Variants in ABTB3 observed in about 807,000 individuals in gnomAD.
ABTB3 encodes the protein ankyrin repeat- and BTB/POZ domain-containing protein 3.
the ABTB3 span, among the ~76,000 whole-genome samples, chr12:107,375,095 G>A: frequency 6.6e-6 from 1 of 152,122 alleles, no homozygotes; most frequent in East Asian, 1.9e-4. Context: ...GAAACACTAA[G>A]GTGTTAAGTG....
the ABTB3 span, among the ~76,000 whole-genome samples, chr12:107,648,123 G>A: frequency 6.6e-6 from 1 of 152,178 alleles, no homozygotes; most frequent in Non-Finnish European, 1.5e-5. Flanking sequence ...GCTCATGCCT[G>A]TAATCCTGGC....
chr12:107,575,329 A>T, the ABTB3 span, among the ~76,000 whole-genome samples: 9 of 152,186 alleles, frequency 5.9e-5, no homozygotes, highest in Admixed American at 3.9e-4. Context: ...GATGCTAAAA[A>T]CAATGTTGGT....
At chr12:107,339,197 G>T in the ABTB3 span, among the ~76,000 whole-genome samples, 1 of 152,172 alleles carries the variant, frequency 6.6e-6, no homozygotes, top group Admixed American at 6.5e-5. Flanking sequence ...CTTTCCCATA[G>T]TGGGCCTTTC....
the ABTB3 span, among the ~76,000 whole-genome samples, chr12:107,431,245 C>T: frequency 6.6e-6 from 1 of 152,340 alleles, no homozygotes; most frequent in Admixed American, 6.5e-5. Flanking sequence ...AACACTAATT[C>T]CATTCCATGA....
chr12:107,632,591 CAAAT>C, the ABTB3 span, among the ~76,000 whole-genome samples: 1 of 152,148 alleles, frequency 6.6e-6, no homozygotes, highest in African/African-American at 2.4e-5. Context: ...GCTGCAGTAA[CAAAT>C]GACCATAATT....
the ABTB3 span, among the ~76,000 whole-genome samples, chr12:107,511,942 T>A: frequency 3.3e-5 from 5 of 152,174 alleles, no homozygotes; most frequent in African/African-American, 9.7e-5. Context: ...AAAGCTTTTT[T>A]AAACTCTGGT....
the ABTB3 span, among the ~76,000 whole-genome samples, chr12:107,639,410 G>A: frequency 6.6e-6 from 1 of 152,176 alleles, no homozygotes; most frequent in African/African-American, 2.4e-5. Flanking sequence ...TGGGTCATCA[G>A]ATTGAGGGGC....
At chr12:107,340,778 C>T in the ABTB3 span, among the ~76,000 whole-genome samples, 17 of 152,258 alleles carry the variant, frequency 1.1e-4, no homozygotes, top group Non-Finnish European at 2.2e-4. Flanking sequence ...CAGAGATCTC[C>T]CAGGATGGAG....
the ABTB3 span, among the ~76,000 whole-genome samples, chr12:107,534,245 C>G: frequency 6.7e-6 from 1 of 149,956 alleles, no homozygotes; most frequent in Non-Finnish European, 1.5e-5. Context: ...AATTCCTTGA[C>G]ACAAATAAAA....
chr12:107,417,999 A>C, the ABTB3 span, among the ~76,000 whole-genome samples: 1 of 152,218 alleles, frequency 6.6e-6, no homozygotes. Context: ...GGGACAGAGG[A>C]AACTAGCAGC....
At chr12:107,319,301 C>A in the ABTB3 span, 1 of 1,543,754 alleles carries the variant, frequency 6.5e-7, no homozygotes, top group Non-Finnish European at 8.7e-7. Context: ...CCCGGCGGTC[C>A]CCGGCGGCCT....
chr12:107,373,953 G>A, the ABTB3 span, among the ~76,000 whole-genome samples: 41,178 of 152,166 alleles, frequency 0.27, 6,184 homozygotes, highest in South Asian at 0.37. Flanking sequence ...CTCGGGACAC[G>A]TTGGAGGCGG....
chr12:107,617,696 G>A, the ABTB3 span: 48 of 479,534 alleles, frequency 1.0e-4, no homozygotes, highest in Non-Finnish European at 1.4e-4. Flanking sequence ...ACTCTTGGTC[G>A]GTTTTGCTCA....
chr12:107,427,449 T>G, the ABTB3 span, among the ~76,000 whole-genome samples: 1 of 152,086 alleles, frequency 6.6e-6, no homozygotes, highest in Non-Finnish European at 1.5e-5. Context: ...CCTGGCTAAT[T>G]TTTTATTTTT....
At chr12:107,426,041 A>G in the ABTB3 span, among the ~76,000 whole-genome samples, 1 of 142,106 alleles carries the variant, frequency 7.0e-6, no homozygotes, top group East Asian at 2.4e-4. Flanking sequence ...CCTCCCTCCC[A>G]CCCCCAGCAA....
the ABTB3 span, among the ~76,000 whole-genome samples, chr12:107,393,712 C>T: frequency 6.6e-5 from 10 of 152,060 alleles, no homozygotes; most frequent in Admixed American, 6.6e-5. Flanking sequence ...GGGCAGATCA[C>T]GAGGTCAGGA....
the ABTB3 span, among the ~76,000 whole-genome samples, chr12:107,639,170 G>C: frequency 1.3e-5 from 2 of 152,318 alleles, no homozygotes; most frequent in South Asian, 4.1e-4. Flanking sequence ...CCCCAGAGGG[G>C]AGAGAGCACG....
the ABTB3 span, among the ~76,000 whole-genome samples, chr12:107,340,734 C>G: frequency 3.9e-5 from 6 of 152,212 alleles, no homozygotes; most frequent in African/African-American, 1.4e-4. Context: ...CAGGAACAAA[C>G]AAAGAAACAA....
chr12:107,581,159 C>T, the ABTB3 span: 1 of 1,543,358 alleles, frequency 6.5e-7, no homozygotes, highest in Non-Finnish European at 8.7e-7. Flanking sequence ...CAGGCCCTTC[C>T]TCGTGCTGCC....
Sources: gnomAD v4.1 joint callset for allele counts (sites outside exome capture counted in the v4.1 genomes callset) on GRCh38, gnomAD v4.1.1 for gene constraint, MANE v1.5 for transcripts, NCBI Gene and HGNC (gene_info 2026-07-23, HGNC 2026-07-21) for gene names.